VPS39: variants seen among roughly 807,000 people sequenced by gnomAD.
The protein encoded by VPS39 is vam6/Vps39-like protein.
Under a neutral mutation model 121.0 loss-of-function variants are expected in VPS39, and 70 were observed. The ratio of observed to expected loss-of-function variants is 0.58; its 90% CI spans 0.48 to 0.71. The LOEUF (loss-of-function observed/expected upper bound fraction) is 0.71. Among genes scored for constraint, VPS39 ranks in the 30% least tolerant of loss-of-function variants. VPS39 has a pLI of 0.00. For missense variants in VPS39, 818 were observed against 1,051.5 expected, an observed-to-expected ratio of 0.78 and a Z score of 3.07; for synonymous variants, 378 against 398.1, an observed-to-expected ratio of 0.95 and a Z score of 0.60.
In VPS39 at chr15:42,166,250, A is replaced by G. The variant is rs1477148032; in HGVS notation, c.1607-18T>C. The G allele has an allele frequency of 1.1e-5, 17 of 1,613,132 alleles. No individual in the cohort carries two copies. Among genetic ancestry groups the G allele is most frequent in the Non-Finnish European group, 1.4e-5 (16 of 1,179,318 alleles). On this transcript the variant is annotated intron_variant, in intron 15 of 24. Coordinates refer to ENST00000318006, the MANE Select transcript of VPS39 (RefSeq NM_015289.5). ...TTCTGTGCCTAGAAGGAAAAGCAGGACTTGTCAGCAGTTGAGGCCCATCTT... is the reference window on the plus strand; with the variant it reads ...TTCTGTGCCTAGAAGGAAAAGCAGGGCTTGTCAGCAGTTGAGGCCCATCTT...
In VPS39 at chr15:42,202,370, G is replaced by A. The variant is rs76679641; in HGVS notation, c.74-2409C>T. ...CAGAAATAACAGCAGCTCTAATGAA[G>A]GCTGGAGATTTATGCTGCAGCAGAA... On this transcript the variant is annotated intron_variant, in intron 1 of 24. Coordinates refer to ENST00000318006, the MANE Select transcript of VPS39 (RefSeq NM_015289.5). 7.4e-4 allele frequency among the ~76,000 whole-genome samples: 112 copies of A among 152,218 alleles called. 1 individual carries two copies. The highest frequency in any genetic ancestry group is 2.7e-3 in the African/African-American group (111 of 41,522).
At chr15:42,179,276 G>A (rs1327855729) in intron 8 of VPS39, among the ~76,000 whole-genome samples, 3 of 151,978 alleles carry the variant, frequency 2.0e-5, no homozygotes, top group South Asian at 4.1e-4. Flanking sequence ...GAAAAGTGGC[G>A]GGAGGGGGAA....
intron 5 of VPS39, 58 bp downstream of exon 5, chr15:42,189,056 G>A (rs2049765671): frequency 8.1e-7 from 1 of 1,227,250 alleles, no homozygotes; most frequent in Non-Finnish European, 1.2e-6. Context: ...TAGGAATGAT[G>A]TAGGAAAGAC....
At position 42,166,841 on chromosome 15, in the gene VPS39, C is replaced by A. The variant is rs745531772; in HGVS notation, c.1450G>T (p.Val484Leu). ...CTGTACTTGTGAGCCTTCTTTAGCACGTGCTCGCTCTCCTCGATGTGGCAG... is the reference window on the plus strand; with the variant it reads ...CTGTACTTGTGAGCCTTCTTTAGCAAGTGCTCGCTCTCCTCGATGTGGCAG... ...NHCHIEESEH[V>L]LKKAHKYSEL... Residue 484 changes from valine (V) to leucine (L), a missense_variant, in exon 14 of 25, where the codon GTG becomes TTG. Transcript: ENST00000318006. 33 of 1,614,094 alleles carry A rather than the reference C, an allele frequency of 2.0e-5. No individual in the cohort carries two copies. The highest frequency in any genetic ancestry group is 1.1e-5 in the Non-Finnish European group (13 of 1,180,048).
At chr15:42,170,139 T>C (rs762900285) in intron 11 of VPS39, among the ~76,000 whole-genome samples, 11 of 151,886 alleles carry the variant, frequency 7.2e-5, no homozygotes, top group Admixed American at 2.0e-4. Context: ...CCTCTGAAAG[T>C]AGAGAATAAA....
At position 42,187,843 on chromosome 15, in the gene VPS39, C is replaced by G; in HGVS notation, c.356G>C (p.Gly119Ala). ...CACACACATCCGTAACACCTCCTCACCGGTCTCTGTGTGCTGGGAGGAGAC... is the reference window on the plus strand; with the variant it reads ...CACACACATCCGTAACACCTCCTCAGCGGTCTCTGTGTGCTGGGAGGAGAC... ...FTCDLQHTET[G>A]EEVLRMCVAV... Residue 119 changes from glycine (G) to alanine (A), a missense_variant, in exon 6 of 25, where the codon GGT becomes GCT. Coordinates refer to ENST00000318006, the MANE Select transcript of VPS39 (RefSeq NM_015289.5). 6.2e-7 allele frequency: 1 copy of G among 1,614,208 alleles called. No individual in the cohort carries two copies. Among genetic ancestry groups the G allele is most frequent in the Non-Finnish European group, 8.5e-7 (1 of 1,180,028 alleles).
In VPS39 at chr15:42,178,528, A is replaced by G; in HGVS notation, c.761T>C (p.Val254Ala). 1.2e-6 allele frequency: 2 copies of G among 1,614,208 alleles called. No homozygotes were observed. Among genetic ancestry groups the G allele is most frequent in the Non-Finnish European group, 1.7e-6 (2 of 1,180,048 alleles). Reference protein sequence around the residue: ...PYIIAVLPRYVEIRTFEPRLL... With the variant: ...PYIIAVLPRYAEIRTFEPRLL... ...CCTCGGTTCAAATGTTCGGATCTCA[A>G]CATATCGAGGCAACACTGCAATGAT... Residue 254 changes from valine (V) to alanine (A), a missense_variant, in exon 9 of 25, where the codon GTT becomes GCT. Physicochemically the swap from Val to Ala is moderately conservative, Grantham distance 64 (BLOSUM62 0). Coordinates refer to ENST00000318006, the MANE Select transcript of VPS39 (RefSeq NM_015289.5).
rs758025045 is a variant in VPS39, at chr15:42,178,485, A to G, written c.804T>C (p.Ile268=). 1 of 1,614,190 alleles carries G rather than the reference A, an allele frequency of 6.2e-7. No individual in the cohort carries two copies. Among genetic ancestry groups the G allele is most frequent in the South Asian group, 1.1e-5 (1 of 91,080 alleles). The change falls in exon 9 of 25, where the codon ATT becomes ATC. Residue 268 remains isoleucine, a synonymous_variant. Transcript: ENST00000318006. ...TAATGAAACGGGGCCTTTGCAATTC[A>G]ATGCTTTGGACCAGAAGCCTCGGTT... ...TFEPRLLVQS[I]ELQRPRFITS... is the part of the protein sequence containing the mutation.
Position 42,164,397 on chromosome 15 carries a change from A to T in VPS39, c.1987T>A (p.Tyr663Asn). Residue 663 changes from tyrosine (Y) to asparagine (N), a missense_variant, in exon 19 of 25, where the codon TAT becomes AAT. Coordinates refer to ENST00000318006, the MANE Select transcript of VPS39 (RefSeq NM_015289.5). Reference sequence around the variant, plus strand: ...TCACAGATGAGCCGGCCTGGATCATAGTAGCTGGAAATCTCCAAGAACATG... The same window carrying T: ...TCACAGATGAGCCGGCCTGGATCATTGTAGCTGGAAATCTCCAAGAACATG... ...LLMFLEISSYYDPGRLICDFP... is the reference protein window; with the variant it reads ...LLMFLEISSYNDPGRLICDFP... The T allele has an allele frequency of 1.2e-6, 2 of 1,614,188 alleles. No individual in the cohort carries two copies. Among genetic ancestry groups the T allele is most frequent in the Non-Finnish European group, 1.7e-6 (2 of 1,180,014 alleles).
intron 17 of VPS39, 100 bp downstream of exon 17, chr15:42,165,618 A>T (rs963955665): frequency 1.1e-6 from 1 of 920,954 alleles, no homozygotes; most frequent in Non-Finnish European, 1.7e-6. Context: ...TCCAATCCCC[A>T]AGTGACATAA....
At chr15:42,205,467 G>A (rs1195362057) in intron 1 of VPS39, among the ~76,000 whole-genome samples, 1 of 152,180 alleles carries the variant, frequency 6.6e-6, no homozygotes, top group Non-Finnish European at 1.5e-5. Flanking sequence ...AACAGCAAAT[G>A]TAAAGGCCCT....
At chr15:42,190,865 A>G (rs1461542486) in intron 4 of VPS39, among the ~76,000 whole-genome samples, 3 of 152,156 alleles carry the variant, frequency 2.0e-5, no homozygotes, top group African/African-American at 7.2e-5. Context: ...CCGAATGTCT[A>G]GTCCAGACTT....
At chr15:42,192,219 C>T (rs890545413) in intron 2 of VPS39, 2 of 892,914 alleles carry the variant, frequency 2.2e-6, no homozygotes, top group Non-Finnish European at 3.5e-6. Flanking sequence ...GAATAATTAT[C>T]ATCATCATCA....
intron 8 of VPS39, among the ~76,000 whole-genome samples, chr15:42,179,521 G>C (rs1464151365): frequency 6.7e-6 from 1 of 149,298 alleles, no homozygotes; most frequent in Non-Finnish European, 1.5e-5. Flanking sequence ...AGCTTGCAGT[G>C]AGCCGAGATG....
At chr15:42,194,864 G>A (rs1283190770) in intron 2 of VPS39, among the ~76,000 whole-genome samples, 1 of 150,472 alleles carries the variant, frequency 6.6e-6, no homozygotes. Flanking sequence ...CTACTGTTCT[G>A]ATTTGTGTTC....
At chr15:42,164,929 C>G in intron 18 of VPS39, 67 bp downstream of exon 18, 15 of 1,597,734 alleles carry the variant, frequency 9.4e-6, no homozygotes, top group Non-Finnish European at 1.3e-5. Flanking sequence ...CCCCACCACA[C>G]GTGGCACCTG....
chr15:42,193,827 A>G (rs1397577299), intron 2 of VPS39, among the ~76,000 whole-genome samples: 1 of 149,930 alleles, frequency 6.7e-6, no homozygotes, highest in Non-Finnish European at 1.5e-5. Flanking sequence ...TGTTTACCTT[A>G]AAGTAACAGA....
chr15:42,190,771 T>C (rs2049811459), intron 4 of VPS39, among the ~76,000 whole-genome samples: 2 of 152,268 alleles, frequency 1.3e-5, no homozygotes, highest in African/African-American at 4.8e-5. Context: ...CCACATTGTA[T>C]CGTGATTACT....
At chr15:42,176,906 T>C (rs755010155) in intron 10 of VPS39, among the ~76,000 whole-genome samples, 1 of 152,146 alleles carries the variant, frequency 6.6e-6, no homozygotes, top group Non-Finnish European at 1.5e-5. Context: ...TTCACATCTA[T>C]AATCCCAGCA....
Sources: gnomAD v4.1 joint callset for allele counts (sites outside exome capture counted in the v4.1 genomes callset) on GRCh38, gnomAD v4.1.1 for gene constraint, MANE v1.5 for transcripts, NCBI Gene and HGNC (gene_info 2026-07-23, HGNC 2026-07-21) for gene names.